Variants in ABRACL observed in about 807,000 individuals in gnomAD.
ABRACL encodes the protein costars family protein ABRACL.
A neutral mutation model predicts 7.0 loss-of-function variants in ABRACL; 4 were observed. That is an observed-to-expected ratio of 0.57 (90% CI 0.28 to 1.30). The LOEUF (loss-of-function observed/expected upper bound fraction) is 1.30, where lower values mean the gene tolerates loss of function less well. Among genes scored for constraint, ABRACL ranks in the 50% most tolerant of loss-of-function variants. The probability of loss-of-function intolerance (pLI) is 0.10; values close to 1 mark genes in which losing one functional copy is unlikely to be tolerated. For synonymous variants in ABRACL, 30 were observed against 36.0 expected, an observed-to-expected ratio of 0.83 and a Z score of 0.60; for missense variants, 104 against 97.3, an observed-to-expected ratio of 1.07 and a Z score of -0.29.
rs1307717897 is a variant in ABRACL at position 139,035,712 on chromosome 6, A to G, written c.61+1491A>G. ...TGGCCAGGCTGGTCTTGAACTCCTGACCTCAGGTGATCCACCTGCCTCGGC... is the reference window on the plus strand; with the variant it reads ...TGGCCAGGCTGGTCTTGAACTCCTGGCCTCAGGTGATCCACCTGCCTCGGC... On this transcript the variant is annotated intron_variant, in intron 2 of 2. Transcript: ENST00000367660. 2.7e-5 allele frequency among the ~76,000 whole-genome samples: 4 copies of G among 146,630 alleles called. No homozygotes were observed. The East Asian group carries it at 6.4e-4, about 23-fold the overall frequency.
At chr6:139,042,008 T>C (rs1010475737) in intron 2 of ABRACL, among the ~76,000 whole-genome samples, 3 of 151,894 alleles carry the variant, frequency 2.0e-5, no homozygotes, top group African/African-American at 4.8e-5. Flanking sequence ...GAACCTGCAG[T>C]AGAGGGGTAG....
At chr6:139,036,829 A>T (rs192920765) in intron 2 of ABRACL, among the ~76,000 whole-genome samples, 226 of 152,116 alleles carry the variant, frequency 1.5e-3, no homozygotes, top group African/African-American at 5.0e-3. Context: ...ACAAAAAAAT[A>T]AAAAATTAGC....
At chr6:139,041,481 C>CTA (rs1162897563) in intron 2 of ABRACL, among the ~76,000 whole-genome samples, 10,180 of 73,866 alleles carry the variant, frequency 0.14, 632 homozygotes, top group South Asian at 0.46. Flanking sequence ...TTCTATATTT[C>CTA]TATATATATA....
chr6:139,034,803 A>G (rs1786129894), intron 2 of ABRACL, among the ~76,000 whole-genome samples: 1 of 152,218 alleles, frequency 6.6e-6, no homozygotes, highest in South Asian at 2.1e-4. Context: ...TTCTTCAGCA[A>G]TAACTAGGCA....
Position 139,034,151 on chromosome 6 carries a change from C to T in ABRACL, c.-6-4C>T, listed in dbSNP as rs948240936. 1.1e-5 allele frequency: 18 copies of T among 1,613,388 alleles called. No homozygotes were observed. Among genetic ancestry groups the T allele is most frequent in the African/African-American group, 2.7e-5 (2 of 74,844 alleles). On this transcript the variant is annotated splice_region_variant and splice_polypyrimidine_tract_variant and intron_variant, in intron 1 of 2. Coordinates refer to ENST00000367660, the MANE Select transcript of ABRACL (RefSeq NM_021243.3). The stretch of plus-strand genomic sequence containing the variant: ...AATTTAGACTTCCTTTTTTTCTCTC[C>T]CAGGCAGCAATGAATGTGGATCACG...
At chr6:139,030,028 C>T (rs142162823) in intron 1 of ABRACL, among the ~76,000 whole-genome samples, 13 of 152,208 alleles carry the variant, frequency 8.5e-5, no homozygotes, top group Non-Finnish European at 5.9e-5. Flanking sequence ...ATCGATTCTG[C>T]GACAATTAGA....
Position 139,037,028 on chromosome 6 carries a change from G to GA in ABRACL, c.61+2817dup, listed in dbSNP as rs11287492. 9.9e-3 allele frequency among the ~76,000 whole-genome samples: 1,478 copies of GA among 149,378 alleles called. 24 individuals are homozygous for GA. Among genetic ancestry groups the GA allele is most frequent in the African/African-American group, 0.034 (1,366 of 40,648 alleles). On this transcript the variant is annotated intron_variant, in intron 2 of 2. Coordinates refer to ENST00000367660, the MANE Select transcript of ABRACL (RefSeq NM_021243.3). ...TAAAAAACTCATGAGGCAATTATCC[G>GA]AAAAAAAAAATGGTATGCTGAACTA...
At chr6:139,041,380 C>T (rs923385742) in intron 2 of ABRACL, among the ~76,000 whole-genome samples, 2 of 149,632 alleles carry the variant, frequency 1.3e-5, no homozygotes, top group African/African-American at 4.9e-5. Context: ...CCCTCTGCTT[C>T]AGCTTCCTGA....
At chr6:139,029,232 TG>T (rs1445235063) in intron 1 of ABRACL, among the ~76,000 whole-genome samples, 1 of 151,442 alleles carries the variant, frequency 6.6e-6, no homozygotes, top group African/African-American at 2.4e-5. Context: ...CAGAGCTGGG[TG>T]GGGAAGGGCT....
chr6:139,035,398 T>G (rs1295863054), intron 2 of ABRACL, among the ~76,000 whole-genome samples: 2 of 152,200 alleles, frequency 1.3e-5, no homozygotes, highest in Non-Finnish European at 2.9e-5. Flanking sequence ...GAAGTTGCCT[T>G]GGCTCATGAC....
At chr6:139,041,799 C>T (rs753079153) in intron 2 of ABRACL, among the ~76,000 whole-genome samples, 9 of 152,090 alleles carry the variant, frequency 5.9e-5, no homozygotes, top group Non-Finnish European at 1.3e-4. Flanking sequence ...GTTATTCTCT[C>T]TAGAAAGTGA....
intron 2 of ABRACL, among the ~76,000 whole-genome samples, chr6:139,034,870 T>C (rs549008648): frequency 4.5e-4 from 68 of 152,310 alleles, no homozygotes; most frequent in African/African-American, 1.6e-3. Context: ...TCTTCCTAAG[T>C]CGTAATGAAA....
chr6:139,034,365 C>G, intron 2 of ABRACL, 144 bp downstream of exon 2: 1 of 1,564,466 alleles, frequency 6.4e-7, no homozygotes, highest in East Asian at 2.4e-5. Context: ...CAGGTTATAA[C>G]TGCCCTTAGC....
At chr6:139,041,451 C>CTATATATATATATA (rs1554211122) in intron 2 of ABRACL, among the ~76,000 whole-genome samples, 1 of 110,054 alleles carries the variant, frequency 9.1e-6, no homozygotes, top group Non-Finnish European at 1.8e-5. Context: ...CTCTCTCTCT[C>CTATATATATATATA]TATATATATA....
chr6:139,038,543 A>G (rs1786199020), intron 2 of ABRACL, among the ~76,000 whole-genome samples: 1 of 152,228 alleles, frequency 6.6e-6, no homozygotes, highest in Non-Finnish European at 1.5e-5. Flanking sequence ...CTTTTCATTG[A>G]AAGTCAAATT....
intron 1 of ABRACL, among the ~76,000 whole-genome samples, chr6:139,033,732 A>G (rs2114301915): frequency 6.6e-6 from 1 of 152,230 alleles, no homozygotes; most frequent in East Asian, 1.9e-4. Context: ...TATTCGTCTC[A>G]TTGCTCTTCA....
At chr6:139,034,250 C>T in intron 2 of ABRACL, 29 bp downstream of exon 2, 1 of 1,614,200 alleles carries the variant, frequency 6.2e-7, no homozygotes, top group Non-Finnish European at 8.5e-7. Context: ...TAGAGTATTT[C>T]TCCTGGCTTT....
At chr6:139,035,768 C>A (rs1036659586) in intron 2 of ABRACL, among the ~76,000 whole-genome samples, 5 of 149,922 alleles carry the variant, frequency 3.3e-5, no homozygotes, top group Middle Eastern at 3.5e-3. Context: ...CAGGTGTGAG[C>A]CACCACACCC....
chr6:139,031,963 CTTT>C (rs58012169), intron 1 of ABRACL, among the ~76,000 whole-genome samples: 11 of 141,278 alleles, frequency 7.8e-5, no homozygotes, highest in Admixed American at 1.4e-4. Context: ...TTTTTTCCCA[CTTT>C]TTTTTTTTTT....
Sources: allele counts gnomAD v4.1 joint callset (sites outside exome capture counted in the v4.1 genomes callset), GRCh38; gene constraint gnomAD v4.1.1; transcripts MANE v1.5; gene names NCBI Gene and HGNC (gene_info 2026-07-23, HGNC 2026-07-21).